The following MAG variants were observed in gnomAD, a reference collection of about 807,000 sequenced individuals.
MAG encodes myelin associated glycoprotein.
A neutral mutation model predicts 60.7 loss-of-function variants in MAG; 30 were observed. The observed-to-expected ratio is 0.49, with a 90% CI of 0.37 to 0.67. MAG has a LOEUF of 0.67. MAG is among the 30% of genes least tolerant of loss of function. MAG has a pLI of 0.00. For synonymous variants in MAG, 384 were observed against 376.8 expected, an observed-to-expected ratio of 1.02 and a Z score of -0.22; for missense variants, 795 against 851.7, an observed-to-expected ratio of 0.93 and a Z score of 0.83.
At position 35,299,695 on chromosome 19, in the gene MAG, T is replaced by C. The variant is rs2066431814; in HGVS notation, c.557T>C (p.Leu186Pro). Residue 186 changes from leucine (L) to proline (P), a missense_variant, in exon 5 of 11, where the codon CTG becomes CCG. Transcript: ENST00000392213. ...GAGGGGCTGGGGGAGCCCGCTGTGC[T>C]GGGCCGGCTGCGGGAGGACGAGGGC... The part of the protein sequence containing the change: ...GHEGLGEPAV[L>P]GRLREDEGTW... 5 of 1,591,616 alleles carry C rather than the reference T, an allele frequency of 3.1e-6. No homozygotes were observed. The East Asian group carries it at 1.2e-4, about 37-fold the overall frequency.
At chr19:35,307,251 T>C (rs2066492542) in intron 7 of MAG, among the ~76,000 whole-genome samples, 1 of 152,262 alleles carries the variant, frequency 6.6e-6, no homozygotes, top group South Asian at 2.1e-4. Context: ...TTAGAGATGT[T>C]TGCACAGAGG....
rs201932537 is a variant in MAG at position 35,295,611 on chromosome 19, A to T, written c.47-2A>T. 2 of 1,600,620 alleles carry T rather than the reference A, an allele frequency of 1.2e-6. No homozygotes were observed. The highest frequency in any genetic ancestry group is 1.7e-6 in the Non-Finnish European group (2 of 1,174,370). ...AGCCTCAGCTCTCCTGCTTGCCCGC[A>T]GCCTCCCGAGGGGGTCACTGGGGTG... On this transcript the variant is annotated splice_acceptor_variant, in intron 3 of 10. Transcript: ENST00000392213. LOFTEE classifies it high-confidence loss of function. The surrounding 1 kb of genome is among the most constrained non-coding windows in gnomAD (Gnocchi z 5.8).
At chr19:35,303,060 A>T (rs951041139) in intron 7 of MAG, among the ~76,000 whole-genome samples, 2 of 151,858 alleles carry the variant, frequency 1.3e-5, no homozygotes, top group African/African-American at 4.8e-5. Flanking sequence ...AGTAGCTGGG[A>T]TTACAGGCGC....
intron 6 of MAG, among the ~76,000 whole-genome samples, chr19:35,302,016 C>T (rs1189205170): frequency 1.3e-5 from 2 of 152,194 alleles, no homozygotes; most frequent in Admixed American, 6.6e-5. Flanking sequence ...TTATTTTTCT[C>T]TACACACTTC....
At chr19:35,309,324 G>A (rs113904182) in intron 7 of MAG, among the ~76,000 whole-genome samples, 31 of 152,184 alleles carry the variant, frequency 2.0e-4, no homozygotes, top group East Asian at 1.9e-4. Context: ...ACAGTGCTAC[G>A]GCGAGAGAAA....
In MAG at chr19:35,303,781, G is replaced by A. The variant is rs1046614049; in HGVS notation, c.1231+1073G>A. Among the ~76,000 whole-genome samples, 6 of 152,188 alleles carry A rather than the reference G, an allele frequency of 3.9e-5. 1 individual carries two copies. The highest frequency in any genetic ancestry group is 6.5e-5 in the Admixed American group (1 of 15,272). Reference sequence around the variant, plus strand: ...GCCTCTCATCTCCTCACTATGGACTGTGCCACCATCTCCCACCACCCCTAC... The same window carrying A: ...GCCTCTCATCTCCTCACTATGGACTATGCCACCATCTCCCACCACCCCTAC... On this transcript the variant is annotated intron_variant, in intron 7 of 10. Transcript: ENST00000392213.
In MAG at chr19:35,312,554, G is replaced by A. The variant is rs778982692; in HGVS notation, c.1716+537G>A. 1.6e-4 allele frequency: 53 copies of A among 341,692 alleles called. 4 individuals are homozygous for A. The highest frequency in any genetic ancestry group is 1.1e-3 in the Middle Eastern group (1 of 940). The allele number at this position is 341,692 out of a possible 1,614,324, so 21.2% of individuals were successfully genotyped here. A position where few individuals can be genotyped will look rare whatever the true frequency, so the allele number is the denominator to read the frequency against. ...GGCTAGGGGGTGGAGGGAGGGGTGG[G>A]AAGCGTGGGGGGAACCCACATGTCA... On this transcript the variant is annotated intron_variant, in intron 10 of 10. Transcript: ENST00000392213.
At chr19:35,301,993 A>AC (rs1207103222) in intron 6 of MAG, among the ~76,000 whole-genome samples, 3 of 152,074 alleles carry the variant, frequency 2.0e-5, no homozygotes, top group African/African-American at 7.2e-5. Flanking sequence ...GATTTTCCAT[A>AC]CCCTCAGCCC....
At chr19:35,296,976 A>G (rs1217629888) in intron 4 of MAG, among the ~76,000 whole-genome samples, 4 of 149,468 alleles carry the variant, frequency 2.7e-5, no homozygotes, top group Non-Finnish European at 5.9e-5. Context: ...CACTACACAC[A>G]CACACACTGC....
At position 35,313,469 on chromosome 19, in the gene MAG, G is replaced by T. The variant is rs371151679; in HGVS notation, c.*15G>T. The T allele has an allele frequency of 4.2e-5, 67 of 1,602,102 alleles. No individual in the cohort carries two copies. Among genetic ancestry groups the T allele is most frequent in the Non-Finnish European group, 5.7e-5 (67 of 1,174,664 alleles). On this transcript the variant is annotated 3_prime_UTR_variant, in exon 11 of 11. Coordinates refer to ENST00000392213, the MANE Select transcript of MAG (RefSeq NM_002361.4). ...GGGTCAAGTGAAGGAGCTGGGGGCA[G>T]CCTGCGTGGCTGACCCCCCTCAGGA...
chr19:35,299,967 C>G (rs2066435253), intron 5 of MAG, 117 bp downstream of exon 5: 2 of 1,193,958 alleles, frequency 1.7e-6, no homozygotes, highest in Non-Finnish European at 2.2e-6. Context: ...CGGGGCCATG[C>G]CCAGGGCCAG....
chr19:35,299,426 G>A (rs1255582774), intron 4 of MAG, 128 bp from the exon 5 acceptor site: 11 of 658,500 alleles, frequency 1.7e-5, no homozygotes, highest in South Asian at 1.6e-4. Context: ...GGCAGGGAGC[G>A]GAGGCGATAC....
chr19:35,300,212 C>T lies in MAG; in HGVS notation c.778C>T (p.Leu260Phe), dbSNP rs1228578877. ...CATCGAGGGCTCCCACGTGAGCCTG[C>T]TCTGTGGGGCTGACAGCAACCCCCC... ...EAIEGSHVSLLCGADSNPPPL... is the reference protein window; with the variant it reads ...EAIEGSHVSLFCGADSNPPPL... Residue 260 changes from leucine to phenylalanine, a missense_variant, in exon 6 of 11, where the codon CTC (leucine) becomes TTC (phenylalanine). By Grantham distance (22) the Leu-to-Phe change is conservative. Coordinates refer to ENST00000392213, the MANE Select transcript of MAG (RefSeq NM_002361.4). The T allele has an allele frequency of 1.3e-6, 2 of 1,582,794 alleles. No individual in the cohort carries two copies. The highest frequency in any genetic ancestry group is 3.4e-5 in the Admixed American group (2 of 58,136).
Position 35,300,219 on chromosome 19 carries a change from G to A in MAG, c.785G>A (p.Gly262Glu). The change falls in exon 6 of 11, where the codon GGG becomes GAG. Residue 262 changes from glycine (G) to glutamate (E), a missense_variant. Physicochemically the swap from Gly to Glu is moderately conservative, Grantham distance 98. Transcript: ENST00000392213. The part of the protein sequence containing the change: ...IEGSHVSLLC[G>E]ADSNPPPLLT... ...GGCTCCCACGTGAGCCTGCTCTGTG[G>A]GGCTGACAGCAACCCCCCGCCGCTG... is the stretch of plus-strand genomic sequence containing the variant. 2 of 1,585,778 alleles carry A rather than the reference G, an allele frequency of 1.3e-6. No individual in the cohort carries two copies. The highest frequency in any genetic ancestry group is 1.7e-6 in the Non-Finnish European group (2 of 1,165,868).
At chr19:35,312,298 C>T (rs1409529809) in intron 10 of MAG, 8 of 1,613,574 alleles carry the variant, frequency 5.0e-6, no homozygotes, top group East Asian at 2.2e-5. Flanking sequence ...AGGTTTCTAC[C>T]CTGGAATCTC....
At chr19:35,299,947 G>A (rs1267087454) in intron 5 of MAG, 97 bp downstream of exon 5, 2 of 1,229,726 alleles carry the variant, frequency 1.6e-6, no homozygotes, top group Non-Finnish European at 2.1e-6. Flanking sequence ...GGGCCGGGCC[G>A]TGATGGGGGC....
chr19:35,312,664 G>A (rs1266765152), intron 10 of MAG: 23 of 426,870 alleles, frequency 5.4e-5, no homozygotes, highest in Non-Finnish European at 6.4e-5. Flanking sequence ...CAGGAATTTG[G>A]AAAGATGGGG....
intron 7 of MAG, among the ~76,000 whole-genome samples, chr19:35,303,065 A>G (rs2040785891): frequency 6.6e-6 from 1 of 152,054 alleles, no homozygotes; most frequent in African/African-American, 2.4e-5. Flanking sequence ...CTGGGATTAC[A>G]GGCGCTCGCC....
chr19:35,307,158 T>C (rs565144944), intron 7 of MAG, among the ~76,000 whole-genome samples: 2 of 152,398 alleles, frequency 1.3e-5, no homozygotes, highest in East Asian at 3.9e-4. Context: ...CTGTTATTAA[T>C]GTACTCCGTG....
Sources: gnomAD v4.1 joint callset for allele counts (sites outside exome capture counted in the v4.1 genomes callset) on GRCh38, gnomAD v4.1.1 for gene constraint, Gnocchi (gnomAD v3.1) non-coding constraint, MANE v1.5 for transcripts, NCBI Gene and HGNC (gene_info 2026-07-23, HGNC 2026-07-21) for gene names.